GATAD2A: variants seen among roughly 807,000 people sequenced by gnomAD.
The protein encoded by GATAD2A is GATA zinc finger domain containing 2A, also known as transcriptional repressor p66-alpha.
A neutral mutation model predicts 68.5 loss-of-function variants in GATAD2A; 12 were observed. That is an observed-to-expected ratio of 0.18 (90% confidence interval 0.11 to 0.28). GATAD2A has a LOEUF of 0.28. GATAD2A is among the 10% of genes least tolerant of loss of function. The pLI is 1.00. For missense variants in GATAD2A, 755 were observed against 868.5 expected (o/e 0.87, Z 1.64); for synonymous variants, 410 against 375.3 (o/e 1.09, Z -1.07).
At chr19:19,467,565 A>G (rs987261163) in intron 2 of GATAD2A, among the ~76,000 whole-genome samples, 2 of 152,096 alleles carry the variant, frequency 1.3e-5, no homozygotes, top group Non-Finnish European at 2.9e-5. Flanking sequence ...AGATTTACCC[A>G]TATTGTTGTG....
chr19:19,390,199 A>G (rs1029314906), intron 1 of GATAD2A, among the ~76,000 whole-genome samples: 12 of 152,196 alleles, frequency 7.9e-5, no homozygotes, highest in South Asian at 2.1e-4. Context: ...AAGTGATGGC[A>G]CAAAATTGGC....
chr19:19,494,787 T>C (rs1876971190), intron 5 of GATAD2A, among the ~76,000 whole-genome samples: 1 of 152,120 alleles, frequency 6.6e-6, no homozygotes, highest in Non-Finnish European at 1.5e-5. Context: ...CCCCTCCCTC[T>C]CAAACAGGCC....
chr19:19,411,288 C>T lies in GATAD2A; in HGVS notation c.-7+5269C>T, dbSNP rs1016234654. 5.3e-5 allele frequency among the ~76,000 whole-genome samples: 8 copies of T among 152,326 alleles called. No homozygotes were observed. The South Asian group carries it at 6.2e-4, about 12-fold the overall frequency. On this transcript the variant is annotated intron_variant, in intron 1 of 11. Coordinates refer to ENST00000683918, the MANE Select transcript of GATAD2A (RefSeq NM_001384528.1). ...TTCCACTGCCTTGGGGCCTTCTTGA[C>T]GATACTGAATGCCTGGGTTGGTTGT...
At chr19:19,502,759 T>G (rs1255805524) in intron 11 of GATAD2A, among the ~76,000 whole-genome samples, 1 of 152,218 alleles carries the variant, frequency 6.6e-6, no homozygotes, top group Non-Finnish European at 1.5e-5. Flanking sequence ...CCAGGCTCAG[T>G]CTTTGACCGA....
chr19:19,440,785 C>G (rs556459513), intron 1 of GATAD2A, among the ~76,000 whole-genome samples: 1 of 152,322 alleles, frequency 6.6e-6, no homozygotes, highest in African/African-American at 2.4e-5. Flanking sequence ...TTGTAACACA[C>G]ATTGGTGACT....
At chr19:19,435,391 T>G (rs539264360) in intron 1 of GATAD2A, among the ~76,000 whole-genome samples, 1 of 152,206 alleles carries the variant, frequency 6.6e-6, no homozygotes, top group African/African-American at 2.4e-5. Context: ...ACCTGGCTAA[T>G]TTTTGTATTT....
At chr19:19,402,745 A>G (rs2146979749), upstream of GATAD2A, 1 of 149,178 alleles carries the variant, frequency 6.7e-6, no homozygotes, top group South Asian at 2.2e-4. Context: ...GCTATCACTA[A>G]GGGTTTTTTT....
At chr19:19,424,446 T>G (rs975907069) in intron 1 of GATAD2A, among the ~76,000 whole-genome samples, 1 of 152,050 alleles carries the variant, frequency 6.6e-6, no homozygotes, top group Non-Finnish European at 1.5e-5. Context: ...CCCAGGCTGG[T>G]CTTGAACTCC....
intron 2 of GATAD2A, among the ~76,000 whole-genome samples, chr19:19,469,912 A>G (rs1600215781): frequency 6.6e-6 from 1 of 151,222 alleles, no homozygotes; most frequent in Admixed American, 6.6e-5. Context: ...GTGCCACTGC[A>G]CTCCAGCCTG....
intron 1 of GATAD2A, among the ~76,000 whole-genome samples, chr19:19,425,856 G>A (rs1483265666): frequency 1.3e-5 from 2 of 151,282 alleles, no homozygotes; most frequent in East Asian, 3.9e-4. Flanking sequence ...GTGGCTCAGT[G>A]TCTGCTCACT....
chr19:19,501,224 C>T lies in GATAD2A; in HGVS notation c.1311C>T (p.Ile437=), dbSNP rs759173262. ...CRWREEKSGA[I]MCENCMTTNQ... ...GGCGGGAGGAGAAGAGCGGCGCCATCATGTGTGAGAACTGCATGACAACCA... is the reference window on the plus strand; with the variant it reads ...GGCGGGAGGAGAAGAGCGGCGCCATTATGTGTGAGAACTGCATGACAACCA... The change falls in exon 9 of 12, where the codon ATC becomes ATT. Residue 437 remains isoleucine (I), a synonymous_variant. Coordinates refer to ENST00000683918, the MANE Select transcript of GATAD2A (RefSeq NM_001384528.1). 8.7e-6 allele frequency: 14 copies of T among 1,613,484 alleles called. No homozygotes were observed. The highest frequency in any genetic ancestry group is 2.2e-5 in the South Asian group (2 of 91,080).
rs576672908 is a variant in GATAD2A, at chr19:19,421,295, G to T, written c.-7+15276G>T. Among the ~76,000 whole-genome samples, 10 of 152,302 alleles carry T rather than the reference G, an allele frequency of 6.6e-5. No homozygotes were observed. In the South Asian group the frequency reaches 2.1e-3, roughly 32 times the overall value. On this transcript the variant is annotated intron_variant, in intron 1 of 11. Coordinates refer to ENST00000683918, the MANE Select transcript of GATAD2A (RefSeq NM_001384528.1). ...GTAGGCCTCCTTGGAGGAAGAGAAG[G>T]CTGGCCCAGTGAAAGCCAGTTGAAT... is the stretch of plus-strand genomic sequence containing the variant.
intron 1 of GATAD2A, among the ~76,000 whole-genome samples, chr19:19,436,705 C>G (rs1324396570): frequency 6.6e-6 from 1 of 152,240 alleles, no homozygotes; most frequent in Non-Finnish European, 1.5e-5. Flanking sequence ...CAGAGACTGT[C>G]AAGAGCTGTA....
In GATAD2A at chr19:19,465,387, G is replaced by A. The variant is rs916617208; in HGVS notation, c.42G>A (p.Ala14=). The A allele has an allele frequency of 5.6e-6, 9 of 1,613,952 alleles. No homozygotes were observed. The highest frequency in any genetic ancestry group is 3.3e-5 in the Admixed American group (2 of 60,024). The change falls in exon 2 of 12, where the codon GCG becomes GCA. Residue 14 remains alanine (A), a synonymous_variant. Coordinates refer to ENST00000683918, the MANE Select transcript of GATAD2A (RefSeq NM_001384528.1). ...EACRTRSQKR[A]LERDPTEDDV... ...GCCGAACACGGAGTCAGAAACGAGC[G>A]CTTGAACGGGACCCAACAGAGGACG...
At chr19:19,497,597 C>T (rs991110444) in intron 7 of GATAD2A, among the ~76,000 whole-genome samples, 4 of 151,978 alleles carry the variant, frequency 2.6e-5, no homozygotes, top group Admixed American at 1.3e-4. Flanking sequence ...ACCAGCAGGC[C>T]GGTCTCTGGG....
intron 9 of GATAD2A, among the ~76,000 whole-genome samples, chr19:19,501,672 T>A (rs1396352942): frequency 6.6e-6 from 1 of 152,234 alleles, no homozygotes; most frequent in Non-Finnish European, 1.5e-5. Context: ...AAAGGGGCGT[T>A]TGGAAAAATG....
At chr19:19,412,625 C>CTT (rs1353768272) in intron 1 of GATAD2A, among the ~76,000 whole-genome samples, 1 of 151,978 alleles carries the variant, frequency 6.6e-6, no homozygotes, top group Non-Finnish European at 1.5e-5. Context: ...GAGTGAGACT[C>CTT]TGTCTGCGGG....
rs1456365218 is a variant in GATAD2A at position 19,469,437 on chromosome 19, A to AAAAAAAAAAAT, written c.269+3826_269+3827insAAAAAAATAAA. 1.9e-3 allele frequency among the ~76,000 whole-genome samples: 283 copies of AAAAAAAAAAAT among 151,930 alleles called. 4 individuals carry two copies. Among genetic ancestry groups the AAAAAAAAAAAT allele is most frequent in the African/African-American group, 6.7e-3 (276 of 41,350 alleles). On this transcript the variant is annotated intron_variant, in intron 2 of 11. Coordinates refer to ENST00000683918, the MANE Select transcript of GATAD2A (RefSeq NM_001384528.1). ...AAAGAACGAGACTCCATCTCAAAAA[A>AAAAAAAAAAAT]AAAGAAAAAAAGATCATCAGAATTA...
chr19:19,453,170 GCCCCTCAGGT>G (rs1276139221), intron 1 of GATAD2A, among the ~76,000 whole-genome samples: 1 of 152,334 alleles, frequency 6.6e-6, no homozygotes, highest in Non-Finnish European at 1.5e-5. Context: ...CTGGGCTTAT[GCCCCTCAGGT>G]CCTTCTCAGC....
Sources: allele counts gnomAD v4.1 joint callset (sites outside exome capture counted in the v4.1 genomes callset), GRCh38; gene constraint gnomAD v4.1.1; transcripts MANE v1.5; gene names NCBI Gene and HGNC (gene_info 2026-07-23, HGNC 2026-07-21).